The following CTNNA3 variants were observed in gnomAD, a reference collection of about 807,000 sequenced individuals.
The protein encoded by CTNNA3 is catenin alpha-3.
A neutral mutation model predicts 95.7 loss-of-function variants in CTNNA3; 76 were observed. That is an observed-to-expected ratio of 0.79 (90% CI 0.66 to 0.96). The LOEUF (loss-of-function observed/expected upper bound fraction) is 0.96. Among genes scored for constraint, CTNNA3 ranks in the 40% least tolerant of loss-of-function variants. The pLI, the probability that CTNNA3 is intolerant of heterozygous loss-of-function variation, is 0.00. For synonymous variants in CTNNA3, 431 were observed against 374.4 expected (o/e 1.15, Z -1.74); for missense variants, 1,191 against 1,089.8 (o/e 1.09, Z -1.31).
At chr10:66,313,039 G>T (rs1469949744) in intron 12 of CTNNA3, among the ~76,000 whole-genome samples, 4 of 152,044 alleles carry the variant, frequency 2.6e-5, no homozygotes, top group Admixed American at 6.6e-5. Context: ...ACCGGACGAA[G>T]GAAAAGGAAG....
At chr10:67,741,769 G>A (rs547890533) in intron 1 of CTNNA3, among the ~76,000 whole-genome samples, 10 of 151,236 alleles carry the variant, frequency 6.6e-5, no homozygotes, top group African/African-American at 1.2e-4. Flanking sequence ...CCCATTTCAC[G>A]TGCACAGACA....
chr10:67,738,515 T>A (rs1312720614), intron 1 of CTNNA3, among the ~76,000 whole-genome samples: 1 of 151,806 alleles, frequency 6.6e-6, no homozygotes, highest in Non-Finnish European at 1.5e-5. Flanking sequence ...AACTGGAAAC[T>A]GTAAGAATCA....
intron 7 of CTNNA3, among the ~76,000 whole-genome samples, chr10:66,822,039 T>C (rs36107914): frequency 0.24 from 35,780 of 150,188 alleles, 4,390 homozygotes; most frequent in Middle Eastern, 0.32. Context: ...TAATATATTA[T>C]TGTTTACATT....
chr10:66,866,287 A>G (rs2132426261), intron 7 of CTNNA3, among the ~76,000 whole-genome samples: 1 of 152,328 alleles, frequency 6.6e-6, no homozygotes, highest in South Asian at 2.1e-4. Flanking sequence ...TGTGTTTTCA[A>G]TGATCTGCTT....
chr10:66,531,145 A>G (rs1382497419), intron 10 of CTNNA3, among the ~76,000 whole-genome samples: 1 of 152,184 alleles, frequency 6.6e-6, no homozygotes, highest in East Asian at 1.9e-4. Context: ...GTAAAAGAGG[A>G]AAAGAATATA....
At chr10:66,868,119 G>C (rs1384601789) in intron 7 of CTNNA3, among the ~76,000 whole-genome samples, 2 of 150,558 alleles carry the variant, frequency 1.3e-5, no homozygotes, top group African/African-American at 4.9e-5. Flanking sequence ...CACTTTGGGA[G>C]GCTGAGACAG....
chr10:67,576,206 C>T, intron 3 of CTNNA3, among the ~76,000 whole-genome samples: 1 of 152,114 alleles, frequency 6.6e-6, no homozygotes, highest in East Asian at 1.9e-4. Flanking sequence ...AAGCATGAAG[C>T]TTCTGAAGGC....
chr10:65,998,359 A>G (rs952525924), intron 15 of CTNNA3, among the ~76,000 whole-genome samples: 7 of 152,028 alleles, frequency 4.6e-5, no homozygotes, highest in Admixed American at 1.3e-4. Context: ...ATAAGGGGAC[A>G]TTTTTCTATC....
At chr10:66,011,060 G>A (rs933943013) in intron 15 of CTNNA3, among the ~76,000 whole-genome samples, 3 of 152,148 alleles carry the variant, frequency 2.0e-5, no homozygotes, top group Non-Finnish European at 4.4e-5. Context: ...CTAATCTTGT[G>A]TTGATTTGAA....
At chr10:66,496,422 A>G (rs1479488527) in intron 11 of CTNNA3, among the ~76,000 whole-genome samples, 1 of 152,192 alleles carries the variant, frequency 6.6e-6, no homozygotes, top group Non-Finnish European at 1.5e-5. Context: ...TCACTATCTC[A>G]TTACTAGAAT....
At chr10:66,270,024 A>G (rs1458129417) in intron 13 of CTNNA3, among the ~76,000 whole-genome samples, 2 of 152,218 alleles carry the variant, frequency 1.3e-5, no homozygotes, top group Non-Finnish European at 2.9e-5. Flanking sequence ...ATAAGAGATC[A>G]AGCAAATTTA....
At chr10:67,467,329 T>A (rs182401173) in intron 5 of CTNNA3, among the ~76,000 whole-genome samples, 2 of 152,310 alleles carry the variant, frequency 1.3e-5, no homozygotes, top group Admixed American at 6.5e-5. Flanking sequence ...CCAGCTTTTT[T>A]CATGCTCAAT....
At chr10:67,422,017 T>A (rs539764564) in intron 5 of CTNNA3, among the ~76,000 whole-genome samples, 12 of 152,140 alleles carry the variant, frequency 7.9e-5, no homozygotes, top group African/African-American at 2.9e-4. Flanking sequence ...ATGCATAGTC[T>A]GAATTTAATC....
At chr10:67,088,834 T>A (rs966224563) in intron 7 of CTNNA3, among the ~76,000 whole-genome samples, 13 of 152,044 alleles carry the variant, frequency 8.6e-5, no homozygotes, top group African/African-American at 2.9e-4. Context: ...TGCCTTATTA[T>A]CCTATACTGT....
intron 12 of CTNNA3, among the ~76,000 whole-genome samples, chr10:66,325,295 C>G (rs1322308452): frequency 6.6e-6 from 1 of 151,998 alleles, no homozygotes; most frequent in Non-Finnish European, 1.5e-5. Context: ...GTGCTGGGTA[C>G]CTTCTATGTG....
chr10:66,604,788 C>CAAAA (rs56886409), intron 10 of CTNNA3, among the ~76,000 whole-genome samples: 3,137 of 135,860 alleles, frequency 0.023, 57 homozygotes, highest in South Asian at 0.061. Flanking sequence ...AGGATAAAAG[C>CAAAA]AAAAAAAAAA....
At chr10:66,345,413 CAGG>C (rs2092499067) in intron 12 of CTNNA3, among the ~76,000 whole-genome samples, 1 of 152,082 alleles carries the variant, frequency 6.6e-6, no homozygotes. Flanking sequence ...AGCGTTAAAT[CAGG>C]CAGTGTGAAT....
chr10:67,465,592 G>C (rs1847559603), intron 5 of CTNNA3, among the ~76,000 whole-genome samples: 1 of 152,120 alleles, frequency 6.6e-6, no homozygotes, highest in Non-Finnish European at 1.5e-5. Flanking sequence ...AGGGAAAGAT[G>C]TACCATAAAA....
upstream of CTNNA3, among the ~76,000 whole-genome samples, chr10:67,700,430 T>C (rs146481011): frequency 4.6e-3 from 705 of 152,218 alleles, 1 homozygote; most frequent in Middle Eastern, 0.017. Context: ...GAGACAAAAC[T>C]TGCAGAGGAA....
Sources: allele counts gnomAD v4.1 joint callset (sites outside exome capture counted in the v4.1 genomes callset), GRCh38; gene constraint gnomAD v4.1.1; transcripts MANE v1.5; gene names NCBI Gene and HGNC (gene_info 2026-07-23, HGNC 2026-07-21).